The following RARB variants were observed in gnomAD, a reference collection of about 807,000 sequenced individuals.
The protein encoded by RARB is retinoic acid receptor beta, also known as HBV-activated protein.
RARB carries 17 observed loss-of-function variants against 51.9 expected under a neutral mutation model. The observed-to-expected ratio is 0.33, with a 90% CI of 0.22 to 0.49. The LOEUF is 0.49. Among genes scored for constraint, RARB ranks in the 20% least tolerant of loss-of-function variants. The pLI is 0.99. For synonymous variants in RARB, 215 were observed against 195.4 expected, an observed-to-expected ratio of 1.10 and a Z score of -0.84; for missense variants, 369 against 550.8, an observed-to-expected ratio of 0.67 and a Z score of 3.30.
At chr3:24,856,258 A>G (rs1217036523) in intron 1 of RARB, among the ~76,000 whole-genome samples, 2 of 152,088 alleles carry the variant, frequency 1.3e-5, no homozygotes, top group African/African-American at 4.8e-5. Flanking sequence ...CTACCATGGC[A>G]TGCTTGGGGA....
At position 25,596,954 on chromosome 3, in the gene RARB, A is replaced by C; in HGVS notation, c.*338A>C. 5.0e-6 allele frequency: 1 copy of C among 198,372 alleles called. No homozygotes were observed. The highest frequency in any genetic ancestry group is 1.0e-5 in the Non-Finnish European group (1 of 96,556). The allele number at this position is 198,372 out of a possible 1,614,324, so 12.3% of individuals were successfully genotyped here. On this transcript the variant is annotated 3_prime_UTR_variant, in exon 8 of 8. Transcript: ENST00000330688. ...AAGTTTCTGAAGACTTTGTACATAC[A>C]GAAGTATGGCTCTGTTCTTTCTATA... is the stretch of plus-strand genomic sequence containing the variant.
chr3:25,115,046 G>A (rs1325008444), intron 3 of RARB, among the ~76,000 whole-genome samples: 1 of 152,078 alleles, frequency 6.6e-6, no homozygotes, highest in Non-Finnish European at 1.5e-5. Context: ...ATTTCATAGA[G>A]AAAAATTTGT....
At chr3:25,159,723 G>C (rs1700444193) in intron 4 of RARB, among the ~76,000 whole-genome samples, 1 of 152,136 alleles carries the variant, frequency 6.6e-6, no homozygotes, top group Non-Finnish European at 1.5e-5. Context: ...GTCTCAGAAT[G>C]GGAGTGGAGG....
At chr3:24,843,259 A>G (rs531474023) in intron 1 of RARB, among the ~76,000 whole-genome samples, 2 of 152,326 alleles carry the variant, frequency 1.3e-5, no homozygotes, top group South Asian at 4.1e-4. Context: ...GGTGCTTCAA[A>G]CCATCTCTTC....
chr3:25,178,466 G>T (rs1236780673), intron 5 of RARB, among the ~76,000 whole-genome samples: 2 of 151,942 alleles, frequency 1.3e-5, no homozygotes, highest in African/African-American at 4.8e-5. Flanking sequence ...AGACCAGGAG[G>T]CTTAGAGAGA....
Position 25,003,580 on chromosome 3 carries a change from A to G in RARB, c.-379-56545A>G, listed in dbSNP as rs1336969197. On this transcript the variant is annotated intron_variant, in intron 2 of 11. Transcript: ENST00000383772. Reference sequence around the variant, plus strand: ...ACTACTGGCCTTACTAATATGTCCAAAATTTATTTGGTACCTTCTATGTGT... The same window carrying G: ...ACTACTGGCCTTACTAATATGTCCAGAATTTATTTGGTACCTTCTATGTGT... 2.6e-5 allele frequency among the ~76,000 whole-genome samples: 4 copies of G among 152,282 alleles called. No homozygotes were observed. The South Asian group carries it at 8.3e-4, about 32-fold the overall frequency.
chr3:25,065,561 A>C (rs1460090960), intron 3 of RARB, among the ~76,000 whole-genome samples: 1 of 152,234 alleles, frequency 6.6e-6, no homozygotes, highest in African/African-American at 2.4e-5. Context: ...TATATATGTG[A>C]CCATCTAAAA....
intron 5 of RARB, among the ~76,000 whole-genome samples, chr3:25,263,471 C>T (rs1245868306): frequency 1.3e-5 from 2 of 152,110 alleles, no homozygotes; most frequent in Non-Finnish European, 2.9e-5. Context: ...TGAGAGGCCA[C>T]TATAGTTAAT....
intron 5 of RARB, among the ~76,000 whole-genome samples, chr3:25,196,779 G>A (rs1451431441): frequency 6.6e-6 from 1 of 152,058 alleles, no homozygotes; most frequent in African/African-American, 2.4e-5. Flanking sequence ...GTGTGAGGTG[G>A]TATCTCATTG....
At chr3:25,514,853 G>A (rs993184777) in intron 3 of RARB, among the ~76,000 whole-genome samples, 2 of 152,196 alleles carry the variant, frequency 1.3e-5, no homozygotes, top group African/African-American at 4.8e-5. Context: ...AAGGTAATAA[G>A]TGAAGGAGTC....
At chr3:25,171,555 C>A (rs1238200345) in intron 4 of RARB, among the ~76,000 whole-genome samples, 1 of 116,034 alleles carries the variant, frequency 8.6e-6, no homozygotes, top group Non-Finnish European at 1.6e-5. Context: ...AGGCAAGATG[C>A]TGACAATCTG....
At chr3:25,472,125 CTGAAGTAAA>C (rs1161763195) in intron 2 of RARB, among the ~76,000 whole-genome samples, 1 of 152,218 alleles carries the variant, frequency 6.6e-6, no homozygotes, top group Non-Finnish European at 1.5e-5. Flanking sequence ...CCAGGCTTAG[CTGAAGTAAA>C]AGTAAACCCC....
intron 2 of RARB, among the ~76,000 whole-genome samples, chr3:24,918,195 A>G (rs951655540): frequency 2.0e-5 from 3 of 152,230 alleles, no homozygotes; most frequent in Admixed American, 1.3e-4. Context: ...GTACCTCCGT[A>G]CAATGGCATA....
At chr3:25,322,718 G>T (rs546181396) in intron 5 of RARB, among the ~76,000 whole-genome samples, 2 of 152,160 alleles carry the variant, frequency 1.3e-5, no homozygotes, top group Admixed American at 6.5e-5. Flanking sequence ...ATAATTCAAT[G>T]GTTCTTAGTT....
intron 2 of RARB, among the ~76,000 whole-genome samples, chr3:24,940,828 G>A (rs1217577501): frequency 6.6e-6 from 1 of 152,182 alleles, no homozygotes. Context: ...ACTTAGGCAA[G>A]TCAGTTAACT....
intron 3 of RARB, among the ~76,000 whole-genome samples, chr3:25,065,603 A>C (rs1698645667): frequency 6.6e-6 from 1 of 152,234 alleles, no homozygotes; most frequent in Non-Finnish European, 1.5e-5. Context: ...CGATTGTTCT[A>C]CCCAAAGTAT....
chr3:25,386,404 C>A (rs1166881794), intron 5 of RARB, among the ~76,000 whole-genome samples: 1 of 152,068 alleles, frequency 6.6e-6, no homozygotes, highest in Non-Finnish European at 1.5e-5. Flanking sequence ...GGGATTGTTC[C>A]TGATGGTAGG....
intron 5 of RARB, among the ~76,000 whole-genome samples, chr3:25,352,593 T>G (rs972509418): frequency 6.6e-6 from 1 of 152,226 alleles, no homozygotes; most frequent in Non-Finnish European, 1.5e-5. Flanking sequence ...TTCTTGTCTT[T>G]TTCTTTCTCA....
intron 2 of RARB, among the ~76,000 whole-genome samples, chr3:24,941,622 C>A (rs1314580848): frequency 1.3e-5 from 2 of 152,144 alleles, no homozygotes; most frequent in African/African-American, 2.4e-5. Context: ...CCCACCTCAG[C>A]CTCCCAAAGT....
Sources: allele counts gnomAD v4.1 joint callset (sites outside exome capture counted in the v4.1 genomes callset), GRCh38; gene constraint gnomAD v4.1.1; transcripts MANE v1.5; gene names NCBI Gene and HGNC (gene_info 2026-07-23, HGNC 2026-07-21).